Variants in SYNE2 observed in about 807,000 individuals in gnomAD.
The protein encoded by SYNE2 is spectrin repeat containing nuclear envelope protein 2, also known as nesprin-2.
A neutral mutation model predicts 856.3 loss-of-function variants in SYNE2; 431 were observed. The observed-to-expected ratio is 0.50, with a 90% CI of 0.47 to 0.55. The LOEUF (loss-of-function observed/expected upper bound fraction) is 0.55, where lower values mean the gene tolerates loss of function less well. Ranked by LOEUF, SYNE2 falls within the 20% of genes least tolerant of loss-of-function variation. The pLI, the probability that SYNE2 is intolerant of heterozygous loss-of-function variation, is 0.00. For synonymous variants in SYNE2, 2,923 were observed against 2,872.3 expected, an observed-to-expected ratio of 1.02 and a Z score of -0.56; for missense variants, 8,129 against 8,023.2, an observed-to-expected ratio of 1.01 and a Z score of -0.50.
At chr14:63,883,739 C>G (rs1335756120) in intron 1 of SYNE2, among the ~76,000 whole-genome samples, 1 of 152,188 alleles carries the variant, frequency 6.6e-6, no homozygotes, top group African/African-American at 2.4e-5. Flanking sequence ...TAAGTTCCCT[C>G]CTCTACAGGG....
At position 64,120,984 on chromosome 14, in the gene SYNE2, G is replaced by A. The variant is rs2097894125; in HGVS notation, c.13081G>A (p.Val4361Ile). The A allele has an allele frequency of 6.2e-7, 1 of 1,614,088 alleles. No individual in the cohort carries two copies. The highest frequency in any genetic ancestry group is 2.2e-5 in the East Asian group (1 of 44,882). Residue 4361 changes from valine to isoleucine, a missense_variant, in exon 68 of 116, where the codon GTT (valine) becomes ATT (isoleucine). This residue lies in a region of SYNE2 where 5,410 missense variants were observed against 5,284.8 expected (regional missense o/e 1.02). Transcript: ENST00000555002. ...AGAGCATCAAGAAGCTCTCCAACCAGTTAACCTTTCTGAATTGGAATCCAT... is the reference window on the plus strand; with the variant it reads ...AGAGCATCAAGAAGCTCTCCAACCAATTAACCTTTCTGAATTGGAATCCAT... The part of the protein sequence containing the change: ...EPEHQEALQP[V>I]NLSELESIVT...
chr14:64,159,566 G>T (rs1003876407), intron 87 of SYNE2, 124 bp downstream of exon 87: 1 of 1,131,386 alleles, frequency 8.8e-7, no homozygotes, highest in African/African-American at 1.5e-5. Flanking sequence ...CTACTGTTCT[G>T]GTCTCTTCTG....
In SYNE2 at chr14:64,107,483, C is replaced by T. The variant is rs762738703; in HGVS notation, c.12493-8C>T. ...CCCTTTCTGGAGCTCTGATTCTTTT[C>T]TTTACAGGAAGCATATGGGAAAATA... On this transcript the variant is annotated splice_polypyrimidine_tract_variant and splice_region_variant and intron_variant, in intron 64 of 115. Coordinates refer to ENST00000555002, the MANE Select transcript of SYNE2 (RefSeq NM_182914.3). The T allele has an allele frequency of 1.2e-6, 2 of 1,611,546 alleles. No individual in the cohort carries two copies. The highest frequency in any genetic ancestry group is 4.5e-5 in the East Asian group (2 of 44,870).
At chr14:64,117,980 T>C (rs2153662677) in intron 66 of SYNE2, among the ~76,000 whole-genome samples, 1 of 152,338 alleles carries the variant, frequency 6.6e-6, no homozygotes, top group East Asian at 1.9e-4. Flanking sequence ...ATTTAATATT[T>C]TTGAGCCCTG....
chr14:64,099,574 C>G (rs1055046175), intron 63 of SYNE2: 1 of 152,284 alleles, frequency 6.6e-6, no homozygotes, highest in Admixed American at 6.5e-5. Flanking sequence ...GATTATACCC[C>G]TTCATGGCAG....
chr14:64,162,747 T>C (rs1258858175), intron 88 of SYNE2: 1 of 258,388 alleles, frequency 3.9e-6, no homozygotes, highest in African/African-American at 2.2e-5. Flanking sequence ...TCTATTATTG[T>C]TAATGAACGC....
intron 2 of SYNE2, among the ~76,000 whole-genome samples, chr14:63,937,885 G>C (rs1394609351): frequency 6.6e-6 from 1 of 152,168 alleles, no homozygotes; most frequent in Non-Finnish European, 1.5e-5. Context: ...GGATATCCTG[G>C]GGGTGAGGGA....
chr14:63,998,102 A>C, intron 25 of SYNE2, 117 bp from the exon 26 acceptor site: 2 of 795,264 alleles, frequency 2.5e-6, no homozygotes, highest in South Asian at 2.9e-5. Context: ...AAATTGTATT[A>C]TCTCCTGGTT....
rs1054764656 is a variant in SYNE2, at chr14:64,188,450, C to T, written c.17713-100C>T. On this transcript the variant is annotated intron_variant, in intron 97 of 115. Transcript: ENST00000555002. ...ACCAGACAAGGTTGAGTGCGGAGAGCTACTGATTAAAATGAATGAAACTCA... is the reference window on the plus strand; with the variant it reads ...ACCAGACAAGGTTGAGTGCGGAGAGTTACTGATTAAAATGAATGAAACTCA... The T allele has an allele frequency of 1.4e-4, 182 of 1,339,668 alleles. 5 individuals are homozygous for T. Among genetic ancestry groups the T allele is most frequent in the South Asian group, 1.3e-3 (111 of 84,244 alleles). 83.0% of individuals were successfully genotyped at this position (1,339,668 alleles called of 1,614,324 possible).
In SYNE2 at chr14:64,002,081, G is replaced by C; in HGVS notation, c.3786G>C (p.Arg1262Ser). 1 of 1,607,428 alleles carries C rather than the reference G, an allele frequency of 6.2e-7. No homozygotes were observed. The highest frequency in any genetic ancestry group is 8.5e-7 in the Non-Finnish European group (1 of 1,174,320). Reference protein sequence around the residue: ...IDADRIYQHLRNIQDSIAKQI... With the variant: ...IDADRIYQHLSNIQDSIAKQI... The stretch of plus-strand genomic sequence containing the variant: ...CTGATCGCATCTATCAACACCTAAG[G>C]GTAAGTATATAAGTTCTCACAGTGT... The change falls in exon 29 of 116, where the codon AGG becomes AGC. Residue 1262 changes from arginine (R) to serine (S), a missense_variant and splice_region_variant. Coordinates refer to ENST00000555002, the MANE Select transcript of SYNE2 (RefSeq NM_182914.3).
At chr14:63,885,606 G>A (rs907929735) in intron 1 of SYNE2, among the ~76,000 whole-genome samples, 2 of 150,806 alleles carry the variant, frequency 1.3e-5, no homozygotes, top group Admixed American at 6.7e-5. Flanking sequence ...TTTTAATTTC[G>A]ATATATTTTT....
rs561748837 is a variant in SYNE2 at position 63,920,228 on chromosome 14, G to T, written c.79+11001G>T. Among the ~76,000 whole-genome samples, 93 of 151,980 alleles carry T rather than the reference G, an allele frequency of 6.1e-4. 2 individuals are homozygous for T. Among genetic ancestry groups the T allele is most frequent in the Non-Finnish European group, 1.1e-3 (77 of 67,998 alleles). The stretch of plus-strand genomic sequence containing the variant: ...GCGTAAACTATCACAGTATCATGGG[G>T]TATGTGCTCCAAGTGAGGCAAGACT... On this transcript the variant is annotated intron_variant, in intron 2 of 115. Coordinates refer to ENST00000555002, the MANE Select transcript of SYNE2 (RefSeq NM_182914.3).
chr14:63,830,574 T>C (rs12898127), intron 1 of SYNE2, among the ~76,000 whole-genome samples: 9,136 of 151,564 alleles, frequency 0.06, 297 homozygotes, highest in Middle Eastern at 0.099. Context: ...GGAGGGAGGA[T>C]TGCATGAGCC....
intron 1 of SYNE2, among the ~76,000 whole-genome samples, chr14:63,780,404 G>A (rs183768469): frequency 1.1e-4 from 16 of 151,994 alleles, no homozygotes; most frequent in African/African-American, 3.6e-4. Context: ...CATGGTGGCA[G>A]GTGCCTGTAA....
At chr14:64,112,631 A>G (rs924200792) in intron 65 of SYNE2, among the ~76,000 whole-genome samples, 2 of 152,262 alleles carry the variant, frequency 1.3e-5, no homozygotes, top group Admixed American at 6.5e-5. Context: ...CACTTTCTTT[A>G]TACTGTGAGC....
Position 64,052,522 on chromosome 14 carries a change from T to C in SYNE2, c.8609T>C (p.Leu2870Pro), listed in dbSNP as rs1296836750. The C allele has an allele frequency of 1.2e-6, 2 of 1,614,154 alleles. No individual in the cohort carries two copies. Among genetic ancestry groups the C allele is most frequent in the Non-Finnish European group, 1.7e-6 (2 of 1,180,038 alleles). ...GAGACAGCTGCCACGGAAGCTGAAC[T>C]AAAACATCACCATGTTACTTTGGAG... ...RVETAATEAE[L>P]KHHHVTLEAS... Residue 2870 changes from leucine to proline, a missense_variant, in exon 48 of 116, where the codon CTA (leucine) becomes CCA (proline). Leu to Pro is a moderately conservative substitution (Grantham distance 98). Transcript: ENST00000555002.
intron 2 of SYNE2, among the ~76,000 whole-genome samples, chr14:63,936,165 G>A (rs1313429924): frequency 2.6e-5 from 4 of 152,278 alleles, no homozygotes; most frequent in South Asian, 2.1e-4. Flanking sequence ...GAGCCACCGT[G>A]CCCAGCCCAA....
At chr14:64,148,445 G>A (rs1258900683) in intron 84 of SYNE2, among the ~76,000 whole-genome samples, 2 of 152,092 alleles carry the variant, frequency 1.3e-5, no homozygotes, top group African/African-American at 2.4e-5. Flanking sequence ...ATGCCTGGCC[G>A]GCATCATCCC....
In SYNE2 at chr14:64,086,022, T is replaced by G. The variant is rs148477686; in HGVS notation, c.11485-1649T>G. On this transcript the variant is annotated intron_variant, in intron 57 of 115. Transcript: ENST00000555002. ...ATGTTATTAATTTGATGAGGTCCAA[T>G]GTATCAATATTTTCTTTTATGGATT... Among the ~76,000 whole-genome samples the G allele has an allele frequency of 5.5e-3, 842 of 152,310 alleles. 9 individuals are homozygous for G. Among genetic ancestry groups the G allele is most frequent in the African/African-American group, 0.019 (787 of 41,572 alleles).
Sources: gnomAD v4.1 joint callset for allele counts (sites outside exome capture counted in the v4.1 genomes callset) on GRCh38, gnomAD v4.1.1 for gene constraint, gnomAD v4.1.1 regional missense constraint, MANE v1.5 for transcripts, NCBI Gene and HGNC (gene_info 2026-07-23, HGNC 2026-07-21) for gene names.